CRYBG2: variants seen among roughly 807,000 people sequenced by gnomAD.
CRYBG2 encodes beta/gamma crystallin domain-containing protein 2.
Under a neutral mutation model 153.4 loss-of-function variants are expected in CRYBG2, and 106 were observed. The ratio of observed to expected loss-of-function variants is 0.69; its 90% CI spans 0.59 to 0.81. The LOEUF (loss-of-function observed/expected upper bound fraction) is 0.81. CRYBG2 is among the 30% of genes least tolerant of loss of function. The pLI is 0.00. For synonymous variants in CRYBG2, 851 were observed against 877.8 expected (o/e 0.97, Z 0.54); for missense variants, 1,996 against 2,112.0 (o/e 0.95, Z 1.08).
chr1:26,329,177 T>TC (rs1308899592), intron 15 of CRYBG2, among the ~76,000 whole-genome samples: 2 of 144,644 alleles, frequency 1.4e-5, no homozygotes, highest in Non-Finnish European at 3.0e-5. Flanking sequence ...TCTAGGCTTT[T>TC]TTTTTTTTTT....
At chr1:26,324,510 A>G (rs1171940843) in intron 17 of CRYBG2, among the ~76,000 whole-genome samples, 200 bp from the exon 18 acceptor site, 1 of 146,404 alleles carries the variant, frequency 6.8e-6, no homozygotes, top group African/African-American at 2.6e-5. Flanking sequence ...TCTCTCACAC[A>G]CACACACACA....
At chr1:26,349,019 A>G (rs780101526) in intron 1 of CRYBG2, among the ~76,000 whole-genome samples, 15 of 151,890 alleles carry the variant, frequency 9.9e-5, no homozygotes, top group Non-Finnish European at 2.1e-4. Flanking sequence ...AAATAAAAAT[A>G]TTATCCAGGC....
intron 1 of CRYBG2, among the ~76,000 whole-genome samples, chr1:26,348,852 G>A (rs1459136280): frequency 4.7e-5 from 7 of 147,714 alleles, no homozygotes; most frequent in South Asian, 2.4e-4. Context: ...CACTGCGCCC[G>A]GCCTAAAAAA....
intron 5 of CRYBG2, among the ~76,000 whole-genome samples, chr1:26,342,315 C>G (rs2074140928): frequency 6.6e-6 from 1 of 152,198 alleles, no homozygotes; most frequent in South Asian, 2.1e-4. Context: ...TCCCCAGAAT[C>G]TCTTTCTTCC....
chr1:26,336,801 C>G lies in CRYBG2; in HGVS notation c.3911+40G>C, dbSNP rs762524041. The G allele has an allele frequency of 8.3e-5, 128 of 1,550,600 alleles. No individual in the cohort carries two copies. The highest frequency in any genetic ancestry group is 1.6e-4 in the Admixed American group (8 of 51,054). Reference sequence around the variant, plus strand: ...ACCTCTCCTGGAACCGCCCCCGGCTCGCCCGGGCCCGCCCCGCTCCCGGAG... The same window carrying G: ...ACCTCTCCTGGAACCGCCCCCGGCTGGCCCGGGCCCGCCCCGCTCCCGGAG... On this transcript the variant is annotated intron_variant, in intron 11 of 19. Transcript: ENST00000308182. This position sits in a 1 kb window ranked among gnomAD's most constrained non-coding sequence, Gnocchi z 4.9.
intron 8 of CRYBG2, 101 bp from the exon 9 acceptor site, chr1:26,337,775 C>A: frequency 6.8e-7 from 1 of 1,470,026 alleles, no homozygotes; most frequent in South Asian, 1.3e-5. Flanking sequence ...ACCCCCCAGC[C>A]CTCCCACCTC....
Position 26,345,288 on chromosome 1 carries a change from G to T in CRYBG2, c.1370C>A (p.Pro457His). The T allele has an allele frequency of 6.2e-7, 1 of 1,613,604 alleles. No homozygotes were observed. The highest frequency in any genetic ancestry group is 8.5e-7 in the Non-Finnish European group (1 of 1,179,906). Residue 457 changes from proline (P) to histidine (H), a missense_variant, in exon 2 of 20, where the codon CCC (proline) becomes CAC (histidine). Physicochemically the swap from Pro to His is moderately conservative, Grantham distance 77. Transcript: ENST00000308182. ...VQNSENVPVL[P>H]FTQREVVKGP... ...CTTCACGACCTCCCTCTGGGTAAAG[G>T]GGAGGACAGGGACATTTTCAGAGTT...
At position 26,333,645 on chromosome 1, in the gene CRYBG2, C is replaced by T. The variant is rs1485432899; in HGVS notation, c.4185-2027G>A. Among the ~76,000 whole-genome samples, 3 of 152,100 alleles carry T rather than the reference C, an allele frequency of 2.0e-5. No individual in the cohort carries two copies. The East Asian group carries it at 5.8e-4, about 29-fold the overall frequency. ...ACATGAGAACACAGCAAGAAGGTGGCCTTCTGCAAGCCAGGAAGAAAGGCC... is the reference window on the plus strand; with the variant it reads ...ACATGAGAACACAGCAAGAAGGTGGTCTTCTGCAAGCCAGGAAGAAAGGCC... On this transcript the variant is annotated intron_variant, in intron 14 of 19. Transcript: ENST00000308182.
chr1:26,348,611 AG>A (rs1220951819), intron 1 of CRYBG2, among the ~76,000 whole-genome samples: 1 of 152,092 alleles, frequency 6.6e-6, no homozygotes, highest in Non-Finnish European at 1.5e-5. Flanking sequence ...GCTGGAGTGC[AG>A]TGGCACGATC....
chr1:26,347,828 G>A (rs1343252168), intron 1 of CRYBG2, among the ~76,000 whole-genome samples: 2 of 152,014 alleles, frequency 1.3e-5, no homozygotes, highest in African/African-American at 4.8e-5. Context: ...GTCTTGTTAT[G>A]TTGCCCATGC....
intron 16 of CRYBG2, 87 bp downstream of exon 16, chr1:26,328,647 A>T: frequency 6.6e-7 from 1 of 1,509,844 alleles, no homozygotes; most frequent in South Asian, 1.3e-5. Flanking sequence ...GGGAGGGGAA[A>T]GAGGCCAGAG....
rs1334993563 is a variant in CRYBG2, at chr1:26,346,049, T to C, written c.609A>G (p.Ser203=). The C allele has an allele frequency of 1.3e-6, 2 of 1,590,130 alleles. No homozygotes were observed. Among genetic ancestry groups the C allele is most frequent in the East Asian group, 2.2e-5 (1 of 44,640 alleles). The change falls in exon 2 of 20, where the codon TCA becomes TCG. Residue 203 remains serine, a synonymous_variant. Coordinates refer to ENST00000308182, the MANE Select transcript of CRYBG2 (RefSeq NM_001039775.4). This position sits in a 1 kb window ranked among gnomAD's most constrained non-coding sequence, Gnocchi z 4.9. ...SSSVTVRPVS[S]GEALPRGRQV... ...GACGGCCCCGTGGCAGGGCCTCGCC[T>C]GAGGACACTGGCCTCACAGTCACAG...
chr1:26,338,088 G>A, intron 7 of CRYBG2, 41 bp from the exon 8 acceptor site: 1 of 1,608,304 alleles, frequency 6.2e-7, no homozygotes, highest in Non-Finnish European at 8.5e-7. Flanking sequence ...CCAGAGATGG[G>A]AAAGACAGAT....
chr1:26,340,399 T>C (rs1350403898), intron 5 of CRYBG2, among the ~76,000 whole-genome samples: 1 of 152,156 alleles, frequency 6.6e-6, no homozygotes, highest in Non-Finnish European at 1.5e-5. Context: ...CAGAGCAGTA[T>C]AGTTTTTGTT....
At position 26,343,713 on chromosome 1, in the gene CRYBG2, C is replaced by T; in HGVS notation, c.2913+32G>A. 6 of 1,441,994 alleles carry T rather than the reference C, an allele frequency of 4.2e-6. No individual in the cohort carries two copies. The highest frequency in any genetic ancestry group is 2.9e-5 in the Admixed American group (1 of 34,832). The allele number at this position is 1,441,994 out of a possible 1,614,324, so 89.3% of individuals were successfully genotyped here. ...AAGCCTTGACCCAGGTGAGGCCAGGCACCTCCCTTGCCCACCCGAGGCCTC... is the reference window on the plus strand; with the variant it reads ...AAGCCTTGACCCAGGTGAGGCCAGGTACCTCCCTTGCCCACCCGAGGCCTC... On this transcript the variant is annotated intron_variant, in intron 2 of 19. Coordinates refer to ENST00000308182, the MANE Select transcript of CRYBG2 (RefSeq NM_001039775.4). The surrounding 1 kb of genome is among the most constrained non-coding windows in gnomAD (Gnocchi z 4.1).
intron 1 of CRYBG2, among the ~76,000 whole-genome samples, chr1:26,352,919 T>G (rs1439291879): frequency 6.6e-6 from 1 of 151,856 alleles, no homozygotes; most frequent in African/African-American, 2.4e-5. Flanking sequence ...CATTGACCCC[T>G]GCTTGGAGGA....
At chr1:26,338,270 C>T (rs1162014909) in intron 7 of CRYBG2, 81 bp downstream of exon 7, 5 of 1,526,138 alleles carry the variant, frequency 3.3e-6, no homozygotes, top group Non-Finnish European at 3.5e-6. Context: ...CCCATCCCTT[C>T]CCACAGACTG....
At chr1:26,329,384 T>C (rs952269539) in intron 15 of CRYBG2, among the ~76,000 whole-genome samples, 7 of 151,908 alleles carry the variant, frequency 4.6e-5, no homozygotes, top group African/African-American at 1.7e-4. Context: ...GCCATGTTAG[T>C]CTGGCTGGTC....
Position 26,336,270 on chromosome 1 carries a change from G to A in CRYBG2, c.4072-63C>T. ...ATGGAGTGGGGCCGAGAACAGCGGG[G>A]AGGGGAAAGGTCCGAAATGAGGGGA... On this transcript the variant is annotated intron_variant, in intron 13 of 19. Coordinates refer to ENST00000308182, the MANE Select transcript of CRYBG2 (RefSeq NM_001039775.4). The surrounding 1 kb of genome is among the most constrained non-coding windows in gnomAD (Gnocchi z 4.9). 6.2e-7 allele frequency: 1 copy of A among 1,601,694 alleles called. No homozygotes were observed.
Sources: allele counts gnomAD v4.1 joint callset (sites outside exome capture counted in the v4.1 genomes callset), GRCh38; gene constraint gnomAD v4.1.1; non-coding constraint Gnocchi (gnomAD v3.1); transcripts MANE v1.5; gene names NCBI Gene and HGNC (gene_info 2026-07-23, HGNC 2026-07-21).